The following DOCK4 variants were observed in gnomAD, a reference collection of about 807,000 sequenced individuals.
DOCK4 encodes the protein dedicator of cytokinesis 4.
A neutral mutation model predicts 268.1 loss-of-function variants in DOCK4; 97 were observed. The observed-to-expected ratio is 0.36, with a 90% confidence interval of 0.31 to 0.43. The LOEUF (loss-of-function observed/expected upper bound fraction) is 0.43. Ranked by LOEUF, DOCK4 falls within the 20% of genes least tolerant of loss-of-function variation. DOCK4 has a pLI of 1.00. For missense variants in DOCK4, 2,145 were observed against 2,455.7 expected, an observed-to-expected ratio of 0.87 and a Z score of 2.67; for synonymous variants, 954 against 887.2, an observed-to-expected ratio of 1.08 and a Z score of -1.34.
chr7:111,984,825 A>G (rs1798926683), intron 6 of DOCK4, among the ~76,000 whole-genome samples: 2 of 152,224 alleles, frequency 1.3e-5, no homozygotes, highest in African/African-American at 4.8e-5. Context: ...CAGTATACCT[A>G]GCTGTGCCCA....
At chr7:111,883,407 C>A (rs1807577141) in intron 16 of DOCK4, among the ~76,000 whole-genome samples, 1 of 152,148 alleles carries the variant, frequency 6.6e-6, no homozygotes, top group Non-Finnish European at 1.5e-5. Context: ...AAACCCAGCC[C>A]AGACACTCTG....
chr7:111,810,595 A>AG (rs1456194323), intron 28 of DOCK4, among the ~76,000 whole-genome samples: 2 of 152,224 alleles, frequency 1.3e-5, no homozygotes, highest in Non-Finnish European at 2.9e-5. Flanking sequence ...TTTATCTGTC[A>AG]GAAAAAAAAT....
intron 1 of DOCK4, among the ~76,000 whole-genome samples, chr7:112,112,554 G>T (rs1224480735): frequency 2.0e-5 from 3 of 151,918 alleles, no homozygotes; most frequent in African/African-American, 7.3e-5. Context: ...TGAGGCAGGA[G>T]AATCACTGGA....
intron 11 of DOCK4, among the ~76,000 whole-genome samples, chr7:111,936,470 A>G (rs1259455674): frequency 6.6e-6 from 1 of 150,586 alleles, no homozygotes; most frequent in African/African-American, 2.5e-5. Context: ...ATGCTTAAAA[A>G]CTGTCAGTGG....
At chr7:111,910,726 G>C (rs1459481918) in intron 13 of DOCK4, among the ~76,000 whole-genome samples, 5 of 152,170 alleles carry the variant, frequency 3.3e-5, no homozygotes, top group African/African-American at 1.2e-4. Flanking sequence ...TCATAGCCCA[G>C]ACCGTGGAAC....
intron 13 of DOCK4, among the ~76,000 whole-genome samples, chr7:111,911,819 T>TA (rs930685812): frequency 4.6e-5 from 7 of 152,216 alleles, no homozygotes; most frequent in Non-Finnish European, 7.4e-5. Context: ...TTTTTTTTTT[T>TA]AATATATTAG....
chr7:111,860,498 G>C (rs533979399), intron 23 of DOCK4, among the ~76,000 whole-genome samples: 29 of 152,344 alleles, frequency 1.9e-4, no homozygotes, highest in African/African-American at 7.0e-4. Flanking sequence ...ACATCTGCAC[G>C]TGCTAAGGAT....
At chr7:111,829,297 T>C (rs539552676) in intron 26 of DOCK4, among the ~76,000 whole-genome samples, 1 of 152,336 alleles carries the variant, frequency 6.6e-6, no homozygotes, top group Non-Finnish European at 1.5e-5. Context: ...AGAAAGTTTA[T>C]TAAAGTTTAG....
chr7:111,738,757 G>A (rs1288206362), intron 49 of DOCK4, among the ~76,000 whole-genome samples: 4 of 152,150 alleles, frequency 2.6e-5, no homozygotes, highest in Non-Finnish European at 5.9e-5. Context: ...GGCCAACATG[G>A]CAAAACCCCA....
At chr7:112,086,762 T>C (rs1003366104) in intron 1 of DOCK4, among the ~76,000 whole-genome samples, 3 of 152,152 alleles carry the variant, frequency 2.0e-5, no homozygotes, top group Non-Finnish European at 4.4e-5. Context: ...AAGGCCATCC[T>C]GCCCAAGCAC....
chr7:111,812,016 A>G, intron 27 of DOCK4, 67 bp from the exon 28 acceptor site: 1 of 819,346 alleles, frequency 1.2e-6, no homozygotes, highest in Non-Finnish European at 1.9e-6. Context: ...ATACAAGAAT[A>G]AAAACCTACT....
At chr7:111,780,652 T>G (rs1168381456) in intron 35 of DOCK4, among the ~76,000 whole-genome samples, 1 of 152,256 alleles carries the variant, frequency 6.6e-6, no homozygotes, top group Non-Finnish European at 1.5e-5. Flanking sequence ...AATATTACTT[T>G]TTTAAAACCA....
chr7:112,205,578 C>T (rs1587063429), intron 1 of DOCK4, among the ~76,000 whole-genome samples: 2 of 152,258 alleles, frequency 1.3e-5, no homozygotes, highest in East Asian at 3.9e-4. Flanking sequence ...AGGACCCTGC[C>T]ACATTCCACA....
In DOCK4 at chr7:111,756,543, T is replaced by C. The variant is rs573467541; in HGVS notation, c.4330-942A>G. On this transcript the variant is annotated intron_variant, in intron 41 of 52. Coordinates refer to ENST00000428084, the MANE Select transcript of DOCK4 (RefSeq NM_001363540.2). ...TGTTAATAGAGGCAAATCTGTATTT[T>C]AGAGCCAGGGCTTCCTCTGGCCGGG... is the stretch of plus-strand genomic sequence containing the variant. Among the ~76,000 whole-genome samples the C allele has an allele frequency of 9.8e-3, 821 of 84,104 alleles. 10 individuals carry two copies. Among genetic ancestry groups the C allele is most frequent in the African/African-American group, 0.03 (770 of 26,068 alleles). 55.2% of individuals were successfully genotyped at this position (84,104 alleles called of 152,430 possible).
chr7:111,900,458 T>C lies in DOCK4; in HGVS notation c.1396A>G (p.Arg466Gly). ...GGAAGTTTCAGCAGTTCAGACCACC[T>C]GGGACTGTTGTTATGGTAAAGCACA... is the stretch of plus-strand genomic sequence containing the variant. ...SFVLYHNNSP[R>G]WSELLKLPIP... Residue 466 changes from arginine (R) to glycine (G), a missense_variant, in exon 15 of 53, where the codon AGG becomes GGG. Transcript: ENST00000428084. 6.2e-7 allele frequency: 1 copy of C among 1,613,360 alleles called. No individual in the cohort carries two copies. Among genetic ancestry groups the C allele is most frequent in the East Asian group, 2.2e-5 (1 of 44,880 alleles).
At chr7:111,972,815 A>G (rs1297885236) in intron 8 of DOCK4, among the ~76,000 whole-genome samples, 1 of 151,616 alleles carries the variant, frequency 6.6e-6, no homozygotes, top group Non-Finnish European at 1.5e-5. Flanking sequence ...CTGTCCTTCT[A>G]TCTTTAATTT....
At position 112,114,382 on chromosome 7, in the gene DOCK4, T is replaced by G. The variant is rs190035935; in HGVS notation, c.37+91720A>C. 3.3e-5 allele frequency among the ~76,000 whole-genome samples: 5 copies of G among 152,346 alleles called. No homozygotes were observed. In the East Asian group the frequency reaches 9.6e-4, roughly 29 times the overall value. ...ATTTTCCAAAATTTGCATTTTTGCT[T>G]GAAAGTTCAAATTTTATCATTGGCA... On this transcript the variant is annotated intron_variant, in intron 1 of 52. Coordinates refer to ENST00000428084, the MANE Select transcript of DOCK4 (RefSeq NM_001363540.2).
At chr7:112,170,229 T>C (rs1586966285) in intron 1 of DOCK4, among the ~76,000 whole-genome samples, 1 of 151,810 alleles carries the variant, frequency 6.6e-6, no homozygotes, top group African/African-American at 2.4e-5. Context: ...GACACAAGGA[T>C]TGCTTGAGCC....
At chr7:112,001,012 C>G (rs2135296218) in intron 2 of DOCK4, among the ~76,000 whole-genome samples, 1 of 152,292 alleles carries the variant, frequency 6.6e-6, no homozygotes, top group Middle Eastern at 3.4e-3. Flanking sequence ...ATAATAGTAC[C>G]TGGCCAACAG....
Sources: allele counts gnomAD v4.1 joint callset (sites outside exome capture counted in the v4.1 genomes callset), GRCh38; gene constraint gnomAD v4.1.1; transcripts MANE v1.5; gene names NCBI Gene and HGNC (gene_info 2026-07-23, HGNC 2026-07-21).